The following ADAM12 variants were observed in gnomAD, a reference collection of about 807,000 sequenced individuals.
ADAM12 encodes the protein disintegrin and metalloproteinase domain-containing protein 12.
Under a neutral mutation model 106.4 loss-of-function variants are expected in ADAM12, and 70 were observed. The ratio of observed to expected loss-of-function variants is 0.66; its 90% CI spans 0.54 to 0.80. ADAM12 has a LOEUF of 0.80. Among genes scored for constraint, ADAM12 ranks in the 30% least tolerant of loss-of-function variants. The pLI is 0.00. For missense variants in ADAM12, 1,010 were observed against 1,171.9 expected (o/e 0.86, Z 2.02); for synonymous variants, 420 against 433.5 (o/e 0.97, Z 0.39).
At chr10:126,175,669 T>A (rs2133772657) in intron 3 of ADAM12, among the ~76,000 whole-genome samples, 1 of 152,290 alleles carries the variant, frequency 6.6e-6, no homozygotes, top group Non-Finnish European at 1.5e-5. Flanking sequence ...AGGGACGTGA[T>A]GTGATGTGGG....
Position 126,207,739 on chromosome 10 carries a change from G to T in ADAM12, c.261-52434C>A, listed in dbSNP as rs1186929705. 3.3e-5 allele frequency among the ~76,000 whole-genome samples: 5 copies of T among 152,160 alleles called. 1 individual carries two copies. The highest frequency in any genetic ancestry group is 2.6e-4 in the Admixed American group (4 of 15,276). On this transcript the variant is annotated intron_variant, in intron 3 of 22. Transcript: ENST00000448723. ...TACTGATACTAAGAAGATTACAGCT[G>T]CTGTTATTTATTTAAATGGTTGCTC... is the stretch of plus-strand genomic sequence containing the variant.
chr10:126,154,122 C>G lies in ADAM12; in HGVS notation c.339+1105G>C, dbSNP rs549574497. On this transcript the variant is annotated intron_variant, in intron 4 of 22. Transcript: ENST00000448723. ...AGGCGGTTACTTCTCTTTTTCCAAA[C>G]CCAAGCACCAGGCCCTCTTTCTGGG... Among the ~76,000 whole-genome samples the G allele has an allele frequency of 1.7e-4, 26 of 152,208 alleles. 1 individual carries two copies. The highest frequency in any genetic ancestry group is 3.1e-4 in the Non-Finnish European group (21 of 68,010).
intron 21 of ADAM12, among the ~76,000 whole-genome samples, chr10:126,025,240 AAAG>A (rs1206033671): frequency 6.6e-6 from 1 of 152,210 alleles, no homozygotes; most frequent in African/African-American, 2.4e-5. Context: ...GGTGGGTAAT[AAAG>A]AACTTTGCTG....
rs536029798 is a variant in ADAM12 at position 126,325,444 on chromosome 10, G to A, written c.186+4968C>T. On this transcript the variant is annotated intron_variant, in intron 2 of 22. Coordinates refer to ENST00000448723, the MANE Select transcript of ADAM12 (RefSeq NM_001288973.2). ...TTATTGGAGGGGAGAGCAGGGCTCC[G>A]TTTTCTCAGCTGTAAAAAAAGGCAA... 1.7e-3 allele frequency among the ~76,000 whole-genome samples: 252 copies of A among 152,278 alleles called. 1 individual carries two copies. The highest frequency in any genetic ancestry group is 5.7e-3 in the African/African-American group (238 of 41,556).
chr10:126,261,136 T>G (rs1187200288), intron 3 of ADAM12, among the ~76,000 whole-genome samples: 1 of 152,146 alleles, frequency 6.6e-6, no homozygotes, highest in African/African-American at 2.4e-5. Context: ...ACTATGCCAT[T>G]TTATATTAGG....
At chr10:126,304,427 T>G (rs1028734262) in intron 2 of ADAM12, among the ~76,000 whole-genome samples, 1 of 151,760 alleles carries the variant, frequency 6.6e-6, no homozygotes, top group Non-Finnish European at 1.5e-5. Context: ...AATAATTACA[T>G]TAAAGATAAA....
intron 3 of ADAM12, among the ~76,000 whole-genome samples, chr10:126,167,409 C>T (rs1336328407): frequency 6.6e-6 from 1 of 152,168 alleles, no homozygotes; most frequent in Non-Finnish European, 1.5e-5. Context: ...CTTAATGTAG[C>T]AATCTCTGTC....
rs1565138231 is a variant in ADAM12 at position 126,206,858 on chromosome 10, G to GGA, written c.261-51554_261-51553insTC. Among the ~76,000 whole-genome samples the GGA allele has an allele frequency of 1.2e-4, 16 of 139,092 alleles. 4 individuals carry two copies. The highest frequency in any genetic ancestry group is 2.1e-4 in the Non-Finnish European group (13 of 63,326). 91.2% of individuals were successfully genotyped at this position (139,092 alleles called of 152,430 possible). A position where few individuals can be genotyped will look rare whatever the true frequency, so the allele number is the denominator to read the frequency against. On this transcript the variant is annotated intron_variant, in intron 3 of 22. Transcript: ENST00000448723. ...TCCCTGAATTCCCATGTGTTGTGGG[G>GGA]GCGGGGGGGAGCCAGTGGGAGGTAA... is the stretch of plus-strand genomic sequence containing the variant.
intron 1 of ADAM12, among the ~76,000 whole-genome samples, chr10:126,355,951 C>T (rs936930038): frequency 1.3e-5 from 2 of 152,184 alleles, no homozygotes; most frequent in Non-Finnish European, 2.9e-5. Context: ...AGCCATCTTC[C>T]AGGCCCAGCC....
rs969997250 is a variant in ADAM12 at position 126,043,703 on chromosome 10, G to C, written c.1996-555C>G. Among the ~76,000 whole-genome samples the C allele has an allele frequency of 2.6e-5, 4 of 152,202 alleles. No homozygotes were observed. The highest frequency in any genetic ancestry group is 7.2e-5 in the African/African-American group (3 of 41,434). ...ATCCTGTTTCCTGCAATCCTAGCAG[G>C]GTGCATGGGATTTCCACTAATACTT... On this transcript the variant is annotated intron_variant, in intron 17 of 22. Coordinates refer to ENST00000448723, the MANE Select transcript of ADAM12 (RefSeq NM_001288973.2). The surrounding 1 kb of genome is among the most constrained non-coding windows in gnomAD (Gnocchi z 4.1).
intron 2 of ADAM12, among the ~76,000 whole-genome samples, chr10:126,298,354 A>C (rs2133793700): frequency 6.6e-6 from 1 of 152,378 alleles, no homozygotes; most frequent in East Asian, 1.9e-4. Context: ...TCAGCAGAGA[A>C]CTAGAGCCAC....
At chr10:126,379,742 T>C (rs1003998087) in intron 1 of ADAM12, among the ~76,000 whole-genome samples, 2 of 118,016 alleles carry the variant, frequency 1.7e-5, no homozygotes, top group African/African-American at 2.9e-5. Flanking sequence ...CTCCCAGTAT[T>C]TCAATTTTTT....
intron 4 of ADAM12, among the ~76,000 whole-genome samples, chr10:126,139,147 G>C (rs1956462494): frequency 6.6e-6 from 1 of 152,168 alleles, no homozygotes; most frequent in South Asian, 2.1e-4. Context: ...TTACACTGAA[G>C]TACAGGTCAG....
intron 4 of ADAM12, among the ~76,000 whole-genome samples, chr10:126,143,537 G>T (rs1956564306): frequency 6.6e-6 from 1 of 151,624 alleles, no homozygotes; most frequent in Non-Finnish European, 1.5e-5. Context: ...ATGTACATGT[G>T]TATGGGTATG....
Position 126,377,027 on chromosome 10 carries a change from G to A in ADAM12, c.88+11031C>T, listed in dbSNP as rs370941136. On this transcript the variant is annotated intron_variant, in intron 1 of 22. Transcript: ENST00000448723. ...TTGTTCAAGGTTTGGGGTGAGCAAC[G>A]ATCCCAATTTGCCTGGCACTGAGAG... Among the ~76,000 whole-genome samples the A allele has an allele frequency of 3.3e-4, 50 of 152,326 alleles. 1 individual carries two copies. Among genetic ancestry groups the A allele is most frequent in the Middle Eastern group, 3.4e-3 (1 of 294 alleles).
At position 126,382,651 on chromosome 10, in the gene ADAM12, G is replaced by C. The variant is rs538101531; in HGVS notation, c.88+5407C>G. On this transcript the variant is annotated intron_variant, in intron 1 of 22. Transcript: ENST00000448723. ...GTAAATCCATCTGTGGAAGTACACA[G>C]AACTTCTAATCAGCTCTTTAATGCC... Among the ~76,000 whole-genome samples, 6 of 152,288 alleles carry C rather than the reference G, an allele frequency of 3.9e-5. No individual in the cohort carries two copies. In the South Asian group the frequency reaches 1.2e-3, roughly 32 times the overall value.
At position 126,178,759 on chromosome 10, in the gene ADAM12, C is replaced by G. The variant is rs554910534; in HGVS notation, c.261-23454G>C. Among the ~76,000 whole-genome samples the G allele has an allele frequency of 1.1e-4, 17 of 152,246 alleles. 1 individual carries two copies. The South Asian group carries it at 3.5e-3, about 32-fold the overall frequency. On this transcript the variant is annotated intron_variant, in intron 3 of 22. Transcript: ENST00000448723. Reference sequence around the variant, plus strand: ...TAACACACAGCTGTCAAAATCCACTCAAGCAGGCCGGGCGCAGTGGCTCAC... The same window carrying G: ...TAACACACAGCTGTCAAAATCCACTGAAGCAGGCCGGGCGCAGTGGCTCAC...
intron 4 of ADAM12, chr10:126,145,498 T>C (rs11244840): frequency 0.32 from 49,506 of 152,494 alleles, 8,436 homozygotes; most frequent in Non-Finnish European, 0.38. Flanking sequence ...GAGACTCTCC[T>C]GTCCAAGAGC....
chr10:126,340,891 A>G (rs1321287346), intron 1 of ADAM12, among the ~76,000 whole-genome samples: 1 of 151,656 alleles, frequency 6.6e-6, no homozygotes, highest in East Asian at 1.9e-4. Context: ...AATTTTTTGT[A>G]TTTTTGGTAG....
Sources: gnomAD v4.1 joint callset for allele counts (sites outside exome capture counted in the v4.1 genomes callset) on GRCh38, gnomAD v4.1.1 for gene constraint, Gnocchi (gnomAD v3.1) non-coding constraint, MANE v1.5 for transcripts, NCBI Gene and HGNC (gene_info 2026-07-23, HGNC 2026-07-21) for gene names.